The following PTPRD variants were observed in gnomAD, a reference collection of about 807,000 sequenced individuals.
The protein encoded by PTPRD is protein tyrosine phosphatase receptor type D, also known as receptor-type tyrosine-protein phosphatase delta.
In PTPRD, 34 loss-of-function variants were observed where a neutral mutation model predicts 214.5. That is an observed-to-expected ratio of 0.16 (90% CI 0.12 to 0.21). The LOEUF is 0.21. Among genes scored for constraint, PTPRD ranks in the 10% least tolerant of loss-of-function variants. PTPRD has a pLI of 1.00. For missense variants in PTPRD, 2,545 were observed against 2,398.7 expected (o/e 1.06, Z -1.27); for synonymous variants, 1,128 against 845.7 (o/e 1.33, Z -5.79).
At chr9:9,489,396 G>T (rs1221741820) in intron 8 of PTPRD, among the ~76,000 whole-genome samples, 2 of 152,006 alleles carry the variant, frequency 1.3e-5, no homozygotes, top group Non-Finnish European at 2.9e-5. Context: ...GAGGAACAAA[G>T]GGACCATTCA....
At chr9:9,488,462 T>G (rs987128519) in intron 8 of PTPRD, among the ~76,000 whole-genome samples, 1 of 152,188 alleles carries the variant, frequency 6.6e-6, no homozygotes, top group African/African-American at 2.4e-5. Context: ...TGGAGAATAG[T>G]GTTTCTGCTC....
chr9:10,238,637 C>T (rs1003320618), intron 3 of PTPRD, among the ~76,000 whole-genome samples: 1 of 151,856 alleles, frequency 6.6e-6, no homozygotes, highest in Non-Finnish European at 1.5e-5. Context: ...CCCAAAGAGG[C>T]TAATTAACCT....
At chr9:9,423,224 C>A (rs541813089) in intron 8 of PTPRD, among the ~76,000 whole-genome samples, 3 of 152,230 alleles carry the variant, frequency 2.0e-5, no homozygotes, top group East Asian at 1.9e-4. Context: ...AAGCCTTAAC[C>A]CCCAACATGA....
chr9:8,981,689 T>G (rs992477986), intron 11 of PTPRD, among the ~76,000 whole-genome samples: 1 of 152,048 alleles, frequency 6.6e-6, no homozygotes, highest in Non-Finnish European at 1.5e-5. Context: ...TTTCTGAACT[T>G]CAATTTCTTT....
In PTPRD at chr9:10,012,305, G is replaced by A. The variant is rs71497167; in HGVS notation, c.-472+21413C>T. Among the ~76,000 whole-genome samples, 1,248 of 151,652 alleles carry A rather than the reference G, an allele frequency of 8.2e-3. 8 individuals carry two copies. Among genetic ancestry groups the A allele is most frequent in the Non-Finnish European group, 0.013 (859 of 67,760 alleles). On this transcript the variant is annotated intron_variant, in intron 4 of 45. Coordinates refer to ENST00000381196, the MANE Select transcript of PTPRD (RefSeq NM_002839.4). ...GAGATAACAAAAAGGGGGTAGGGTC[G>A]GTGGAAGATTCAGACAAGAAGAAAA...
At chr9:9,077,200 T>C (rs897179807) in intron 10 of PTPRD, among the ~76,000 whole-genome samples, 1 of 151,784 alleles carries the variant, frequency 6.6e-6, no homozygotes, top group Non-Finnish European at 1.5e-5. Context: ...TTATATATTC[T>C]GGTTTTTAAC....
intron 5 of PTPRD, among the ~76,000 whole-genome samples, chr9:9,832,636 C>T (rs2055273371): frequency 6.6e-6 from 1 of 151,884 alleles, no homozygotes; most frequent in African/African-American, 2.4e-5. Flanking sequence ...TAAGAGAGAA[C>T]TTCCAGGACT....
Position 9,172,308 on chromosome 9 carries a change from C to T in PTPRD, c.-143+10996G>A, listed in dbSNP as rs187861040. Among the ~76,000 whole-genome samples, 4 of 152,188 alleles carry T rather than the reference C, an allele frequency of 2.6e-5. No homozygotes were observed. In the East Asian group the frequency reaches 5.8e-4, roughly 22 times the overall value. ...TCCTTTCAGTGGCAAAATGTACTTT[C>T]CCTAAAGAAACATAGTAATAAAGTC... On this transcript the variant is annotated intron_variant, in intron 10 of 45. Transcript: ENST00000381196.
chr9:8,557,406 C>G (rs1235647837), intron 14 of PTPRD, among the ~76,000 whole-genome samples: 1 of 141,432 alleles, frequency 7.1e-6, no homozygotes, highest in East Asian at 2.0e-4. Context: ...ATTTTAGAAA[C>G]AAAACTCTTT....
At chr9:10,449,152 G>T (rs559753150) in intron 2 of PTPRD, among the ~76,000 whole-genome samples, 3,328 of 151,946 alleles carry the variant, frequency 0.022, 176 homozygotes, top group African/African-American at 0.076. Flanking sequence ...TGATTCTCCT[G>T]CCTCAGCCTG....
At chr9:9,964,179 C>T (rs2094538692) in intron 4 of PTPRD, among the ~76,000 whole-genome samples, 1 of 134,440 alleles carries the variant, frequency 7.4e-6, no homozygotes, top group Non-Finnish European at 1.7e-5. Context: ...TTGAAGGTTT[C>T]TCAAATTGGG....
chr9:9,307,357 C>A (rs1045331609), intron 9 of PTPRD, among the ~76,000 whole-genome samples: 2 of 152,114 alleles, frequency 1.3e-5, no homozygotes, highest in African/African-American at 4.8e-5. Flanking sequence ...AAGAAACCTT[C>A]CTTTATTCTG....
At chr9:10,255,602 A>G (rs924513782) in intron 3 of PTPRD, among the ~76,000 whole-genome samples, 2 of 150,304 alleles carry the variant, frequency 1.3e-5, no homozygotes, top group Non-Finnish European at 3.0e-5. Flanking sequence ...TGCTTAGGCT[A>G]CAGAAAATGT....
rs186486731 is a variant in PTPRD, at chr9:9,665,523, T to C, written c.-287+69010A>G. Among the ~76,000 whole-genome samples, 425 of 151,898 alleles carry C rather than the reference T, an allele frequency of 2.8e-3. 2 individuals carry two copies. Among genetic ancestry groups the C allele is most frequent in the African/African-American group, 9.7e-3 (401 of 41,540 alleles). On this transcript the variant is annotated intron_variant, in intron 7 of 45. Transcript: ENST00000381196. Reference sequence around the variant, plus strand: ...CCTTCTGACATATGTGAGATCCTAATTATTCAGTTAAGAAAACTGAGGTTC... The same window carrying C: ...CCTTCTGACATATGTGAGATCCTAACTATTCAGTTAAGAAAACTGAGGTTC...
At chr9:9,372,478 C>G (rs2059786596) in intron 9 of PTPRD, among the ~76,000 whole-genome samples, 1 of 152,086 alleles carries the variant, frequency 6.6e-6, no homozygotes. Context: ...AGATCTTCCT[C>G]CATCCCTTTA....
intron 9 of PTPRD, among the ~76,000 whole-genome samples, chr9:9,296,007 TTTTG>T (rs746022764): frequency 3.3e-5 from 5 of 151,846 alleles, no homozygotes; most frequent in African/African-American, 7.2e-5. Flanking sequence ...ACCTCAGGTT[TTTTG>T]TTTGTTTGTT....
chr9:8,930,041 A>G (rs1259435622), intron 11 of PTPRD, among the ~76,000 whole-genome samples: 1 of 151,788 alleles, frequency 6.6e-6, no homozygotes, highest in African/African-American at 2.4e-5. Flanking sequence ...TACATGTACC[A>G]TGTTGGTGTG....
intron 8 of PTPRD, among the ~76,000 whole-genome samples, chr9:9,516,771 C>T (rs1413247609): frequency 2.0e-5 from 3 of 152,002 alleles, no homozygotes; most frequent in Non-Finnish European, 4.4e-5. Flanking sequence ...CTCTTGACCT[C>T]ATGATCTGCC....
intron 2 of PTPRD, among the ~76,000 whole-genome samples, chr9:10,484,359 A>T (rs1346360230): frequency 6.6e-6 from 1 of 152,096 alleles, no homozygotes; most frequent in East Asian, 1.9e-4. Flanking sequence ...TATGTGGGTT[A>T]TGAATACATT....
Sources: allele counts gnomAD v4.1 joint callset (sites outside exome capture counted in the v4.1 genomes callset), GRCh38; gene constraint gnomAD v4.1.1; transcripts MANE v1.5; gene names NCBI Gene and HGNC (gene_info 2026-07-23, HGNC 2026-07-21).